The following HERC6 variants were observed in gnomAD, a reference collection of about 807,000 sequenced individuals.
The protein encoded by HERC6 is probable E3 ubiquitin-protein ligase HERC6.
A neutral mutation model predicts 114.5 loss-of-function variants in HERC6; 101 were observed. That is an observed-to-expected ratio of 0.88 (90% CI 0.75 to 1.04). The LOEUF is 1.04. HERC6 is among the 50% of genes least tolerant of loss of function. The pLI is 0.00. For synonymous variants in HERC6, 408 were observed against 436.2 expected, an observed-to-expected ratio of 0.94 and a Z score of 0.81; for missense variants, 1,133 against 1,230.9, an observed-to-expected ratio of 0.92 and a Z score of 1.19.
intron 13 of HERC6, among the ~76,000 whole-genome samples, chr4:88,422,407 G>A (rs1737155590): frequency 6.6e-6 from 1 of 152,156 alleles, no homozygotes; most frequent in Admixed American, 6.5e-5. Context: ...ATGTTTTGCT[G>A]TGGGATTTTT....
At chr4:88,389,266 G>A (rs1011188583) in intron 3 of HERC6, among the ~76,000 whole-genome samples, 1 of 152,122 alleles carries the variant, frequency 6.6e-6, no homozygotes, top group Non-Finnish European at 1.5e-5. Flanking sequence ...CTGGTGATGT[G>A]GGGTCTGTGA....
intron 13 of HERC6, among the ~76,000 whole-genome samples, chr4:88,418,695 C>A (rs1163174246): frequency 1.3e-5 from 2 of 152,082 alleles, no homozygotes; most frequent in Non-Finnish European, 2.9e-5. Context: ...TGGTGAGAGA[C>A]CCATCACACT....
chr4:88,385,128 A>C (rs1734509274), intron 2 of HERC6, among the ~76,000 whole-genome samples: 1 of 152,230 alleles, frequency 6.6e-6, no homozygotes, highest in Non-Finnish European at 1.5e-5. Context: ...TAGGGCTTAA[A>C]TTAGATGATG....
intron 14 of HERC6, 63 bp downstream of exon 14, chr4:88,424,036 T>G: frequency 1.3e-6 from 1 of 791,600 alleles, no homozygotes; most frequent in Non-Finnish European, 2.0e-6. Context: ...ATTACTGTAG[T>G]ATCTGTAAAG....
rs776175289 is a variant in HERC6, at chr4:88,390,639, G to A, written c.437-13G>A. 3.4e-5 allele frequency: 54 copies of A among 1,578,440 alleles called. No individual in the cohort carries two copies. Among genetic ancestry groups the A allele is most frequent in the Admixed American group, 2.8e-4 (16 of 56,376 alleles). ...ATATGTGTACAATTCTTAATTTCTC[G>A]TCTTTGTTGTAGATAGCCAAGTGTT... On this transcript the variant is annotated splice_polypyrimidine_tract_variant and intron_variant, in intron 3 of 22. Coordinates refer to ENST00000264346, the MANE Select transcript of HERC6 (RefSeq NM_017912.4).
Position 88,442,360 on chromosome 4 carries a change from C to T in HERC6, c.2969C>T (p.Ser990Phe), listed in dbSNP as rs61740296. ...TCAATAACTTGTCATAATATTCTCT[C>T]CCTCCCTAAGTATTCTACAATGGAA... Reference protein sequence around the residue: ...PTSITCHNILSLPKYSTMERM... With the variant: ...PTSITCHNILFLPKYSTMERM... The change falls in exon 23 of 23, where the codon TCC becomes TTC. Residue 990 changes from serine to phenylalanine, a missense_variant. By Grantham distance (155) the Ser-to-Phe change is radical. Around this residue, in one of 3 missense-constraint regions of HERC6, gnomAD observed 388 missense variants for 445.9 expected, o/e 0.87. Coordinates refer to ENST00000264346, the MANE Select transcript of HERC6 (RefSeq NM_017912.4). The T allele has an allele frequency of 3.1e-6, 5 of 1,613,514 alleles. No individual in the cohort carries two copies. The South Asian group carries it at 5.5e-5, about 18-fold the overall frequency.
At position 88,439,854 on chromosome 4, in the gene HERC6, T is replaced by C; in HGVS notation, c.2556-20T>C. The C allele has an allele frequency of 7.5e-7, 1 of 1,337,026 alleles. No homozygotes were observed. The highest frequency in any genetic ancestry group is 2.8e-5 in the East Asian group (1 of 35,972). 82.8% of individuals were successfully genotyped at this position (1,337,026 alleles called of 1,614,324 possible). The stretch of plus-strand genomic sequence containing the variant: ...TTTTCCTTCCTTTCTTTTTTTTTTT[T>C]TTTTTTTGCTTCCCTCAAGGAGAGA... On this transcript the variant is annotated intron_variant, in intron 20 of 22. Coordinates refer to ENST00000264346, the MANE Select transcript of HERC6 (RefSeq NM_017912.4).
In HERC6 at chr4:88,380,251, AATATATAATATATAAAT is replaced by A. The variant is rs1560529051; in HGVS notation, c.199+1154_199+1170del. ...AATATATAAATATATATAATATATA[AATATATAATATATAAAT>A]ATATATAATATATAAATATATAATA... On this transcript the variant is annotated intron_variant, in intron 1 of 22. Transcript: ENST00000264346. 2.3e-4 allele frequency among the ~76,000 whole-genome samples: 17 copies of A among 73,316 alleles called. 1 individual carries two copies. Among genetic ancestry groups the A allele is most frequent in the African/African-American group, 3.2e-4 (5 of 15,460 alleles). 48.1% of individuals were successfully genotyped at this position (73,316 alleles called of 152,430 possible).
At chr4:88,382,202 T>C (rs1464731039) in intron 1 of HERC6, among the ~76,000 whole-genome samples, 1 of 152,178 alleles carries the variant, frequency 6.6e-6, no homozygotes, top group African/African-American at 2.4e-5. Context: ...TCTTAAATGT[T>C]GCAAAAACTT....
At chr4:88,440,589 T>TTAGG (rs1739244343) in intron 22 of HERC6, 1 of 194,012 alleles carries the variant, frequency 5.2e-6, no homozygotes, top group Non-Finnish European at 1.0e-5. Flanking sequence ...GGACCAGGTG[T>TTAGG]ACCATCCGCA....
intron 11 of HERC6, among the ~76,000 whole-genome samples, chr4:88,410,685 A>G (rs1736050982): frequency 1.3e-5 from 2 of 152,174 alleles, no homozygotes; most frequent in African/African-American, 4.8e-5. Flanking sequence ...ACAGGAGGAA[A>G]AAAACAAGTT....
chr4:88,433,356 G>A (rs1467253486), intron 17 of HERC6, among the ~76,000 whole-genome samples: 3 of 152,046 alleles, frequency 2.0e-5, no homozygotes, highest in Admixed American at 1.3e-4. Context: ...ATTGTGTTAT[G>A]GTTTGAATGC....
intron 19 of HERC6, 125 bp from the exon 20 acceptor site, chr4:88,437,586 A>C: frequency 9.0e-6 from 6 of 666,964 alleles, no homozygotes; most frequent in Non-Finnish European, 1.6e-5. Context: ...CTACATAAAA[A>C]ATTATTTAGC....
At chr4:88,432,073 A>G (rs1738271583) in intron 17 of HERC6, among the ~76,000 whole-genome samples, 1 of 152,216 alleles carries the variant, frequency 6.6e-6, no homozygotes, top group Non-Finnish European at 1.5e-5. Context: ...GAAATGCTCT[A>G]AAATTGGAAA....
At chr4:88,421,444 T>C (rs1737038796) in intron 13 of HERC6, among the ~76,000 whole-genome samples, 1 of 148,080 alleles carries the variant, frequency 6.8e-6, no homozygotes, top group South Asian at 2.2e-4. Flanking sequence ...CTTTTTTCTT[T>C]TCTTTTCTTT....
At chr4:88,392,911 C>G (rs995907959) in intron 4 of HERC6, among the ~76,000 whole-genome samples, 2 of 152,200 alleles carry the variant, frequency 1.3e-5, no homozygotes, top group Admixed American at 1.3e-4. Context: ...TGTACTTCTC[C>G]TTTTTGCCTT....
intron 17 of HERC6, among the ~76,000 whole-genome samples, chr4:88,434,159 A>G (rs577892103): frequency 6.6e-5 from 10 of 152,358 alleles, no homozygotes; most frequent in South Asian, 2.1e-4. Flanking sequence ...AATATGTAAT[A>G]GTTTTTGAGA....
intron 17 of HERC6, among the ~76,000 whole-genome samples, chr4:88,432,884 C>T (rs963332726): frequency 6.6e-6 from 1 of 151,726 alleles, no homozygotes; most frequent in African/African-American, 2.4e-5. Flanking sequence ...GTCAGGAAAT[C>T]GAGACCATCC....
chr4:88,381,286 T>TA (rs1734303879), intron 1 of HERC6, among the ~76,000 whole-genome samples: 1 of 152,102 alleles, frequency 6.6e-6, no homozygotes, highest in Admixed American at 6.6e-5. Flanking sequence ...AGAAAAAGCA[T>TA]ACAATTTTAT....
Sources: gnomAD v4.1 joint callset for allele counts (sites outside exome capture counted in the v4.1 genomes callset) on GRCh38, gnomAD v4.1.1 for gene constraint, gnomAD v4.1.1 regional missense constraint, MANE v1.5 for transcripts, NCBI Gene and HGNC (gene_info 2026-07-23, HGNC 2026-07-21) for gene names.